The following HS3ST5 variants were observed in gnomAD, a reference collection of about 807,000 sequenced individuals.
HS3ST5 encodes the protein heparan sulfate glucosamine 3-O-sulfotransferase 5.
In HS3ST5, 10 loss-of-function variants were observed where a neutral mutation model predicts 25.4. That is an observed-to-expected ratio of 0.39 (90% CI 0.24 to 0.67). The LOEUF (loss-of-function observed/expected upper bound fraction) is 0.67, where lower values mean the gene tolerates loss of function less well. Among genes scored for constraint, HS3ST5 ranks in the 30% least tolerant of loss-of-function variants. The pLI is 0.44. For missense variants in HS3ST5, 324 were observed against 420.7 expected (o/e 0.77, Z 2.01); for synonymous variants, 170 against 162.4 (o/e 1.05, Z -0.36).
chr6:114,104,852 A>G (rs1481751077), intron 3 of HS3ST5, among the ~76,000 whole-genome samples: 2 of 152,132 alleles, frequency 1.3e-5, no homozygotes, highest in African/African-American at 4.8e-5. Context: ...CCAAACCTCA[A>G]TTTTTACCAC....
intron 2 of HS3ST5, among the ~76,000 whole-genome samples, chr6:114,203,918 A>T (rs1255847178): frequency 6.6e-6 from 1 of 152,204 alleles, no homozygotes; most frequent in Non-Finnish European, 1.5e-5. Context: ...AGAGGAACCC[A>T]TTGGGCAGTT....
At chr6:114,206,065 G>T (rs973061622) in intron 2 of HS3ST5, among the ~76,000 whole-genome samples, 1 of 152,098 alleles carries the variant, frequency 6.6e-6, no homozygotes, top group Non-Finnish European at 1.5e-5. Flanking sequence ...AGACCTTCCT[G>T]CTCCCTCTTC....
At chr6:114,280,795 C>T (rs1774072125) in intron 1 of HS3ST5, among the ~76,000 whole-genome samples, 1 of 151,938 alleles carries the variant, frequency 6.6e-6, no homozygotes, top group African/African-American at 2.4e-5. Context: ...AGCATTAAAA[C>T]CAAAGTAGGG....
chr6:114,332,708 A>C (rs1191020444), intron 1 of HS3ST5, among the ~76,000 whole-genome samples: 1 of 152,106 alleles, frequency 6.6e-6, no homozygotes, highest in Admixed American at 6.5e-5. Context: ...CTGTACTACC[A>C]AACAGAGAAG....
intron 1 of HS3ST5, among the ~76,000 whole-genome samples, chr6:114,272,861 A>G (rs1480847539): frequency 6.6e-6 from 1 of 152,130 alleles, no homozygotes; most frequent in East Asian, 1.9e-4. Flanking sequence ...ATTTGAGGAC[A>G]CAAAGTGGAC....
At chr6:114,275,127 C>T (rs1773793746) in intron 1 of HS3ST5, among the ~76,000 whole-genome samples, 1 of 151,662 alleles carries the variant, frequency 6.6e-6, no homozygotes. Context: ...ATCTACAATT[C>T]TTTATGACTC....
chr6:114,269,885 T>G (rs1773565428), intron 1 of HS3ST5, among the ~76,000 whole-genome samples: 1 of 152,208 alleles, frequency 6.6e-6, no homozygotes, highest in Non-Finnish European at 1.5e-5. Context: ...AGCCTTTCAC[T>G]GGCTTGATAA....
chr6:114,241,580 G>A (rs1309661457), intron 1 of HS3ST5, among the ~76,000 whole-genome samples: 8 of 152,140 alleles, frequency 5.3e-5, no homozygotes, highest in Admixed American at 5.2e-4. Context: ...TATCCACTTG[G>A]TAATAAGATC....
Position 114,169,615 on chromosome 6 carries a change from G to A in HS3ST5, c.-144-1153C>T, listed in dbSNP as rs534353237. On this transcript the variant is annotated intron_variant, in intron 2 of 4. Coordinates refer to ENST00000312719, the MANE Select transcript of HS3ST5 (RefSeq NM_153612.4). ...AACTTCTTGGCATATCCATAAGCCT[G>A]CTGACCTCAGTATGAAACATAACAA... Among the ~76,000 whole-genome samples the A allele has an allele frequency of 7.3e-4, 111 of 152,276 alleles. 1 individual carries two copies. The highest frequency in any genetic ancestry group is 2.6e-3 in the African/African-American group (109 of 41,564).
chr6:114,301,961 G>A (rs2114811627), intron 1 of HS3ST5, among the ~76,000 whole-genome samples: 1 of 152,298 alleles, frequency 6.6e-6, no homozygotes, highest in East Asian at 1.9e-4. Flanking sequence ...ACTGTAACGT[G>A]TATTTATTAG....
At chr6:114,263,597 T>C (rs752055687) in intron 1 of HS3ST5, among the ~76,000 whole-genome samples, 20 of 152,202 alleles carry the variant, frequency 1.3e-4, no homozygotes, top group Non-Finnish European at 2.5e-4. Context: ...CTATCATTGA[T>C]TTCTAACTGA....
chr6:114,163,375 T>A (rs1779062735), intron 3 of HS3ST5, among the ~76,000 whole-genome samples: 1 of 152,018 alleles, frequency 6.6e-6, no homozygotes, highest in South Asian at 2.1e-4. Context: ...AAGTTTTAAA[T>A]AAAACTGAAA....
At chr6:114,158,285 G>C (rs1292499755) in intron 3 of HS3ST5, among the ~76,000 whole-genome samples, 1 of 152,174 alleles carries the variant, frequency 6.6e-6, no homozygotes, top group East Asian at 1.9e-4. Context: ...AAATCTAATT[G>C]TCAGATTCTA....
At chr6:114,231,382 C>T (rs1771582259) in intron 1 of HS3ST5, 2 of 152,416 alleles carry the variant, frequency 1.3e-5, no homozygotes, top group Non-Finnish European at 2.9e-5. Flanking sequence ...TGAGGCCTCC[C>T]TAGAAGCCCA....
At chr6:114,262,291 C>T (rs752135112) in intron 1 of HS3ST5, among the ~76,000 whole-genome samples, 20 of 152,282 alleles carry the variant, frequency 1.3e-4, no homozygotes, top group Non-Finnish European at 2.6e-4. Context: ...CTCACGCCTG[C>T]AATCCCAGCA....
chr6:114,334,655 G>A lies in HS3ST5; in HGVS notation c.-339+7540C>T, dbSNP rs34867686. ...TAGTCACATGCTATACAGGTTTGAAGCCTAGAGATGATAGGCTATATCATA... is the reference window on the plus strand; with the variant it reads ...TAGTCACATGCTATACAGGTTTGAAACCTAGAGATGATAGGCTATATCATA... On this transcript the variant is annotated intron_variant, in intron 1 of 4. Transcript: ENST00000312719. Among the ~76,000 whole-genome samples the A allele has an allele frequency of 4.1e-3, 620 of 152,280 alleles. 2 individuals carry two copies. The highest frequency in any genetic ancestry group is 0.01 in the Middle Eastern group (3 of 294).
chr6:114,137,108 G>A (rs78264013), intron 3 of HS3ST5, among the ~76,000 whole-genome samples: 1,574 of 151,872 alleles, frequency 0.01, 21 homozygotes, highest in Admixed American at 0.02. Context: ...ATCTTGTTTC[G>A]ATGACTTTCT....
intron 2 of HS3ST5, among the ~76,000 whole-genome samples, chr6:114,180,879 G>A (rs1396512002): frequency 6.6e-6 from 1 of 152,168 alleles, no homozygotes; most frequent in Admixed American, 6.5e-5. Context: ...ATCCCTCAGA[G>A]CTAACCTATC....
At chr6:114,309,326 T>A (rs1484987995) in intron 1 of HS3ST5, among the ~76,000 whole-genome samples, 1 of 152,236 alleles carries the variant, frequency 6.6e-6, no homozygotes, top group African/African-American at 2.4e-5. Flanking sequence ...AAAAACCTCT[T>A]ACTATGTGAG....
Sources: gnomAD v4.1 joint callset for allele counts (sites outside exome capture counted in the v4.1 genomes callset) on GRCh38, gnomAD v4.1.1 for gene constraint, MANE v1.5 for transcripts, NCBI Gene and HGNC (gene_info 2026-07-23, HGNC 2026-07-21) for gene names.